Variants in SORBS2 observed in about 807,000 individuals in gnomAD.
The protein encoded by SORBS2 is sorbin and SH3 domain-containing protein 2.
A neutral mutation model predicts 97.7 loss-of-function variants in SORBS2; 46 were observed. The ratio of observed to expected loss-of-function variants is 0.47; its 90% confidence interval spans 0.37 to 0.60. The LOEUF is 0.60. Among genes scored for constraint, SORBS2 ranks in the 20% least tolerant of loss-of-function variants. The pLI is 0.00. For missense variants in SORBS2, 1,316 were observed against 1,282.3 expected (o/e 1.03, Z -0.40); for synonymous variants, 476 against 473.4 (o/e 1.01, Z -0.07).
chr4:185,709,304 C>CTTTTTT (rs70962587), intron 2 of SORBS2, among the ~76,000 whole-genome samples: 4,630 of 96,388 alleles, frequency 0.048, 439 homozygotes, highest in Middle Eastern at 0.087. Flanking sequence ...CTGGCCAAAT[C>CTTTTTT]TTTTTTTTTT....
chr4:185,670,680 G>A (rs776876247), intron 4 of SORBS2, among the ~76,000 whole-genome samples: 11 of 150,610 alleles, frequency 7.3e-5, no homozygotes, highest in South Asian at 2.1e-4. Context: ...CACTGTGCCC[G>A]GCTGGAAGGG....
intron 1 of SORBS2, among the ~76,000 whole-genome samples, chr4:185,879,380 T>C (rs1401861222): frequency 1.3e-5 from 2 of 152,108 alleles, no homozygotes; most frequent in Admixed American, 1.3e-4. Flanking sequence ...TAGTATTCCA[T>C]GGTGTATATG....
At chr4:185,863,425 C>G (rs1424559964) in intron 1 of SORBS2, among the ~76,000 whole-genome samples, 2 of 152,216 alleles carry the variant, frequency 1.3e-5, no homozygotes, top group Non-Finnish European at 2.9e-5. Context: ...GAATTTATCA[C>G]TATCTCCAAT....
At position 185,678,410 on chromosome 4, in the gene SORBS2, T is replaced by C. The variant is rs748135305; in HGVS notation, c.-46+13A>G. The C allele has an allele frequency of 1.3e-6, 2 of 1,545,950 alleles. No homozygotes were observed. Among genetic ancestry groups the C allele is most frequent in the East Asian group, 2.5e-5 (1 of 40,712 alleles). On this transcript the variant is annotated intron_variant, in intron 4 of 20. Coordinates refer to the SORBS2 transcript ENST00000284776. ...CTTAAAATAATGCAGTAGCCAAGAG[T>C]GTGCAGGGTTACCTGAGTTGGTGAT...
At chr4:185,761,199 T>C (rs1273807081) in intron 2 of SORBS2, among the ~76,000 whole-genome samples, 1 of 152,234 alleles carries the variant, frequency 6.6e-6, no homozygotes, top group Non-Finnish European at 1.5e-5. Context: ...CCATCAGTAA[T>C]GTCTTTATTC....
intron 1 of SORBS2, among the ~76,000 whole-genome samples, chr4:185,939,778 G>T (rs2099270948): frequency 6.6e-6 from 1 of 152,162 alleles, no homozygotes; most frequent in African/African-American, 2.4e-5. Context: ...CCAAAGTGCT[G>T]GGATTACAGG....
chr4:185,949,690 G>A (rs1204375647), intron 1 of SORBS2, among the ~76,000 whole-genome samples: 1 of 152,104 alleles, frequency 6.6e-6, no homozygotes, highest in East Asian at 1.9e-4. Flanking sequence ...CTTACAAGCA[G>A]AAAAGCCCAT....
At position 185,835,220 on chromosome 4, in the gene SORBS2, T is replaced by A. The variant is rs774485221; in HGVS notation, c.-337-59854A>T. 3.9e-5 allele frequency among the ~76,000 whole-genome samples: 6 copies of A among 152,198 alleles called. No homozygotes were observed. The South Asian group carries it at 1.2e-3, about 32-fold the overall frequency. ...AACTGTGAGCCAATTAAACCTCTTT[T>A]CTTGATAAATTACCCATCCTCAGGT... On this transcript the variant is annotated intron_variant, in intron 1 of 20. Coordinates refer to the SORBS2 transcript ENST00000284776.
chr4:185,787,000 A>G (rs1318207172), intron 1 of SORBS2, among the ~76,000 whole-genome samples: 8 of 143,060 alleles, frequency 5.6e-5, no homozygotes, highest in African/African-American at 2.1e-4. Context: ...AAAAAATAGC[A>G]GACAACCCCA....
chr4:185,730,310 C>CTTT (rs67749971), intron 2 of SORBS2, among the ~76,000 whole-genome samples: 1 of 125,284 alleles, frequency 8.0e-6, no homozygotes, highest in African/African-American at 3.1e-5. Flanking sequence ...AATATACTTT[C>CTTT]TTTTTTTTTT....
intron 2 of SORBS2, among the ~76,000 whole-genome samples, chr4:185,769,246 T>C (rs1054598278): frequency 6.6e-6 from 1 of 152,214 alleles, no homozygotes; most frequent in Non-Finnish European, 1.5e-5. Flanking sequence ...AATTCGCTTA[T>C]GTTATATGTA....
intron 1 of SORBS2, among the ~76,000 whole-genome samples, chr4:185,848,054 C>T (rs1458259672): frequency 1.3e-5 from 2 of 152,138 alleles, no homozygotes; most frequent in Admixed American, 1.3e-4. Context: ...GGGATTGGGG[C>T]CACCCAGAAA....
chr4:185,895,974 T>A, intron 1 of SORBS2, among the ~76,000 whole-genome samples: 1 of 151,980 alleles, frequency 6.6e-6, no homozygotes, highest in East Asian at 1.9e-4. Flanking sequence ...GAAAAGGGAG[T>A]GTATGAGAGT....
intron 12 of SORBS2, among the ~76,000 whole-genome samples, chr4:185,604,624 A>G (rs1561352789): frequency 6.6e-6 from 1 of 152,198 alleles, no homozygotes; most frequent in Non-Finnish European, 1.5e-5. Context: ...CCAACATTTT[A>G]AAGTTACTAA....
At chr4:185,827,696 T>C (rs1449823897) in intron 1 of SORBS2, among the ~76,000 whole-genome samples, 1 of 94,224 alleles carries the variant, frequency 1.1e-5, no homozygotes, top group African/African-American at 4.4e-5. Flanking sequence ...ACCATCATCA[T>C]CATCACCATC....
intron 4 of SORBS2, chr4:185,638,989 C>A: frequency 6.6e-7 from 1 of 1,522,520 alleles, no homozygotes; most frequent in South Asian, 1.2e-5. Context: ...AAGAGGCTTC[C>A]GGCCAGGTTC....
chr4:185,686,018 C>G (rs1366203620), intron 2 of SORBS2, among the ~76,000 whole-genome samples: 1 of 152,130 alleles, frequency 6.6e-6, no homozygotes, highest in Non-Finnish European at 1.5e-5. Flanking sequence ...AAATTCCATT[C>G]TTACATTCCT....
intron 1 of SORBS2, among the ~76,000 whole-genome samples, chr4:185,805,800 A>C (rs919992809): frequency 4.6e-5 from 7 of 152,376 alleles, no homozygotes; most frequent in African/African-American, 1.7e-4. Context: ...AATACGTCTG[A>C]CGGGTTAAAT....
At chr4:185,932,985 A>C (rs1186650890) in intron 1 of SORBS2, 1 of 152,242 alleles carries the variant, frequency 6.6e-6, no homozygotes, top group East Asian at 1.9e-4. Flanking sequence ...TGCTTCTCCT[A>C]AAAATGTCTT....
Sources: gnomAD v4.1 joint callset for allele counts (sites outside exome capture counted in the v4.1 genomes callset) on GRCh38, gnomAD v4.1.1 for gene constraint, MANE v1.5 for transcripts, NCBI Gene and HGNC (gene_info 2026-07-23, HGNC 2026-07-21) for gene names.